SMIM23: variants seen among roughly 807,000 people sequenced by gnomAD.
SMIM23 encodes the protein CTB-78H18.1.
Under a neutral mutation model 12.8 loss-of-function variants are expected in SMIM23, and 10 were observed. The ratio of observed to expected loss-of-function variants is 0.78; its 90% confidence interval spans 0.48 to 1.32. The LOEUF (loss-of-function observed/expected upper bound fraction) is 1.32. SMIM23 is among the 40% of genes most tolerant of loss of function. SMIM23 has a pLI of 0.00. For synonymous variants in SMIM23, 78 were observed against 80.1 expected, an observed-to-expected ratio of 0.97 and a Z score of 0.14; for missense variants, 184 against 198.2, an observed-to-expected ratio of 0.93 and a Z score of 0.43.
upstream of SMIM23, among the ~76,000 whole-genome samples, chr5:171,781,946 G>A (rs1296467076): frequency 1.3e-5 from 2 of 152,180 alleles, no homozygotes; most frequent in African/African-American, 2.4e-5. Context: ...GATGTAAATG[G>A]CCCAATCAGC....
chr5:171,778,957 C>T, upstream of SMIM23, among the ~76,000 whole-genome samples: 1 of 152,186 alleles, frequency 6.6e-6, no homozygotes, highest in Non-Finnish European at 1.5e-5. Flanking sequence ...CCTCTCTCCT[C>T]TCCAAGACTG....
chr5:171,779,714 T>G (rs189205715), upstream of SMIM23, among the ~76,000 whole-genome samples: 1 of 152,202 alleles, frequency 6.6e-6, no homozygotes, highest in East Asian at 1.9e-4. Context: ...AGAATTAAAT[T>G]GAATTGGCAT....
At chr5:171,790,692 T>C in intron 3 of SMIM23, 103 bp from the exon 4 acceptor site, 1 of 1,388,180 alleles carries the variant, frequency 7.2e-7, no homozygotes, top group Non-Finnish European at 9.8e-7. Flanking sequence ...GCACAATGAG[T>C]AGCATGTGCA....
intron 1 of SMIM23, among the ~76,000 whole-genome samples, chr5:171,786,599 A>G (rs1346889007): frequency 1.3e-5 from 2 of 152,224 alleles, no homozygotes; most frequent in African/African-American, 4.8e-5. Context: ...TCTGAGGATA[A>G]GAAGAAGCTG....
At chr5:171,773,330 T>C in the SMIM23 span, among the ~76,000 whole-genome samples, 1 of 132,542 alleles carries the variant, frequency 7.5e-6, no homozygotes, top group African/African-American at 3.0e-5. Context: ...TAAACACCAG[T>C]CTTACGTCCA....
chr5:171,775,296 T>A, the SMIM23 span, among the ~76,000 whole-genome samples: 177 of 152,298 alleles, frequency 1.2e-3, no homozygotes, highest in Non-Finnish European at 2.2e-3. Context: ...AGGAGGGCGC[T>A]GCCTCACACT....
upstream of SMIM23, among the ~76,000 whole-genome samples, chr5:171,785,616 G>GA (rs774020921): frequency 2.6e-5 from 4 of 152,056 alleles, no homozygotes; most frequent in East Asian, 5.8e-4. Flanking sequence ...AAAATAATCA[G>GA]AAAAATCATC....
chr5:171,780,472 C>T (rs1046657862), upstream of SMIM23, among the ~76,000 whole-genome samples: 15 of 152,106 alleles, frequency 9.9e-5, no homozygotes, highest in Admixed American at 7.9e-4. Flanking sequence ...CTCTGCCTTC[C>T]GAAGGAGTTT....
At chr5:171,775,782 G>A in the SMIM23 span, among the ~76,000 whole-genome samples, 1 of 152,218 alleles carries the variant, frequency 6.6e-6, no homozygotes, top group Non-Finnish European at 1.5e-5. Context: ...TGCAAGAAAA[G>A]GAAGCCCACG....
chr5:171,786,036 G>T, intron 1 of SMIM23, 60 bp downstream of exon 1: 1 of 1,344,556 alleles, frequency 7.4e-7, no homozygotes, highest in Non-Finnish European at 1.0e-6. Flanking sequence ...TGCCACTCCA[G>T]ACAGACTAGA....
chr5:171,785,968 G>C lies in SMIM23; in HGVS notation c.97G>C (p.Glu33Gln). Residue 33 changes from glutamate (E) to glutamine (Q), a missense_variant, in exon 1 of 4, where the codon GAG (glutamate) becomes CAG (glutamine). Glu to Gln is a conservative substitution (Grantham distance 29). Coordinates refer to ENST00000523047, the MANE Select transcript of SMIM23 (RefSeq NM_001289970.2). The part of the protein sequence containing the change: ...ERRRGSHCDD[E>Q]KQTLLALLIL... ...GAGAAGGGGCAGCCACTGTGATGACGAGAAGCAGGTGAGGCCAGGCCAGGT... is the reference window on the plus strand; with the variant it reads ...GAGAAGGGGCAGCCACTGTGATGACCAGAAGCAGGTGAGGCCAGGCCAGGT... 1.3e-6 allele frequency: 2 copies of C among 1,536,348 alleles called. No homozygotes were observed. Among genetic ancestry groups the C allele is most frequent in the Non-Finnish European group, 1.7e-6 (2 of 1,146,884 alleles).
rs1361600785 is a variant in SMIM23, at chr5:171,785,991, G to T, written c.105+15G>T. 2.6e-6 allele frequency: 4 copies of T among 1,529,634 alleles called. No individual in the cohort carries two copies. The highest frequency in any genetic ancestry group is 1.4e-5 in the African/African-American group (1 of 73,044). The allele number at this position is 1,529,634 out of a possible 1,614,324, so 94.8% of individuals were successfully genotyped here. A position where few individuals can be genotyped will look rare whatever the true frequency, so the allele number is the denominator to read the frequency against. On this transcript the variant is annotated intron_variant, in intron 1 of 3. Transcript: ENST00000523047. ...ACGAGAAGCAGGTGAGGCCAGGCCA[G>T]GTACATGCTGCTTTCCTCCCATCTG... is the stretch of plus-strand genomic sequence containing the variant.
At chr5:171,787,083 G>A (rs573582270) in intron 1 of SMIM23, among the ~76,000 whole-genome samples, 4 of 130,836 alleles carry the variant, frequency 3.1e-5, no homozygotes, top group East Asian at 4.8e-4. Flanking sequence ...ACAACAGTGC[G>A]ATCTTGGCTC....
Position 171,790,956 on chromosome 5 carries a change from G to T in SMIM23, c.387G>T (p.Leu129=). 6.5e-7 allele frequency: 1 copy of T among 1,536,050 alleles called. No individual in the cohort carries two copies. The highest frequency in any genetic ancestry group is 8.7e-7 in the Non-Finnish European group (1 of 1,146,906). The change falls in exon 4 of 4, where the codon CTG becomes CTT. Residue 129 remains leucine, a synonymous_variant. Transcript: ENST00000523047. ...TGGAACTGTGGCTGGATGCTCTTCTGGGAGAGCCACACCAGGAGGAGCACT... is the reference window on the plus strand; with the variant it reads ...TGGAACTGTGGCTGGATGCTCTTCTTGGAGAGCCACACCAGGAGGAGCACT... The part of the protein sequence containing the change: ...WDLELWLDAL[L]GEPHQEEHCS...
chr5:171,774,255 G>C, the SMIM23 span: 1 of 379,494 alleles, frequency 2.6e-6, no homozygotes, highest in South Asian at 2.0e-5. Context: ...TCTCCACCCT[G>C]GCCCATCCCA....
At chr5:171,782,884 A>G (rs918919620), upstream of SMIM23, 3 of 152,194 alleles carry the variant, frequency 2.0e-5, no homozygotes, top group Admixed American at 6.5e-5. Context: ...GCTGTAGTAA[A>G]GTAATCTAGT....
chr5:171,787,315 T>G (rs1017159908), intron 1 of SMIM23, among the ~76,000 whole-genome samples: 5 of 152,176 alleles, frequency 3.3e-5, no homozygotes, highest in Non-Finnish European at 5.9e-5. Flanking sequence ...ACTTCTTCTT[T>G]TTTGAAAGAC....
upstream of SMIM23, among the ~76,000 whole-genome samples, chr5:171,779,010 G>A (rs958387858): frequency 6.6e-6 from 1 of 152,178 alleles, no homozygotes; most frequent in Non-Finnish European, 1.5e-5. Context: ...TCTGTGGCTC[G>A]CCATAGCAGG....
chr5:171,783,229 A>G (rs963575044), upstream of SMIM23, among the ~76,000 whole-genome samples: 3 of 152,240 alleles, frequency 2.0e-5, no homozygotes, highest in Non-Finnish European at 4.4e-5. Context: ...TAAATATGAT[A>G]ATTCTCCCCA....
Sources: allele counts gnomAD v4.1 joint callset (sites outside exome capture counted in the v4.1 genomes callset), GRCh38; gene constraint gnomAD v4.1.1; transcripts MANE v1.5; gene names NCBI Gene and HGNC (gene_info 2026-07-23, HGNC 2026-07-21).